Variants in SCUBE1 observed in about 807,000 individuals in gnomAD.
SCUBE1 encodes signal peptide, CUB and EGF-like domain-containing protein 1.
In SCUBE1, 59 loss-of-function variants were observed where a neutral mutation model predicts 124.4. That is an observed-to-expected ratio of 0.47 (90% CI 0.38 to 0.59). The LOEUF (loss-of-function observed/expected upper bound fraction) is 0.59. Among genes scored for constraint, SCUBE1 ranks in the 20% least tolerant of loss-of-function variants. The probability of loss-of-function intolerance (pLI) is 0.00; values close to 1 mark genes in which losing one functional copy is unlikely to be tolerated. For synonymous variants in SCUBE1, 545 were observed against 550.9 expected, an observed-to-expected ratio of 0.99 and a Z score of 0.15; for missense variants, 1,150 against 1,371.2, an observed-to-expected ratio of 0.84 and a Z score of 2.55.
intron 3 of SCUBE1, among the ~76,000 whole-genome samples, chr22:43,298,276 T>A (rs1366188750): frequency 6.6e-6 from 1 of 152,206 alleles, no homozygotes; most frequent in Non-Finnish European, 1.5e-5. Flanking sequence ...GCAGGAGGTA[T>A]GCCTGGGGTC....
chr22:43,210,644 T>C lies in SCUBE1; in HGVS notation c.2383+278A>G, dbSNP rs552266275. Among the ~76,000 whole-genome samples the C allele has an allele frequency of 2.2e-4, 34 of 152,290 alleles. No individual in the cohort carries two copies. In the South Asian group the frequency reaches 7.0e-3, roughly 32 times the overall value. On this transcript the variant is annotated intron_variant, in intron 18 of 21. Coordinates refer to ENST00000360835, the MANE Select transcript of SCUBE1 (RefSeq NM_173050.5). The surrounding 1 kb of genome is among the most constrained non-coding windows in gnomAD (Gnocchi z 4.5). The stretch of plus-strand genomic sequence containing the variant: ...CAGACCCAGAAACTAGAGCAGGGCC[T>C]GGCCCAGGGCAGAGGCTTGGGCTGT...
intron 3 of SCUBE1, among the ~76,000 whole-genome samples, chr22:43,312,647 G>A (rs73424064): frequency 0.042 from 6,346 of 152,282 alleles, 409 homozygotes; most frequent in African/African-American, 0.14. Flanking sequence ...GCCTAAACAA[G>A]GCCACAAGCT....
chr22:43,216,577 T>C (rs1921820145), intron 15 of SCUBE1, among the ~76,000 whole-genome samples: 1 of 151,942 alleles, frequency 6.6e-6, no homozygotes, highest in Non-Finnish European at 1.5e-5. Context: ...AGGTTGAACC[T>C]GGGAGGCAGA....
At chr22:43,304,080 T>C (rs2146766600) in intron 3 of SCUBE1, among the ~76,000 whole-genome samples, 1 of 152,310 alleles carries the variant, frequency 6.6e-6, no homozygotes, top group South Asian at 2.1e-4. Context: ...AAGGGATTAT[T>C]GCCTTCAGAG....
intron 4 of SCUBE1, among the ~76,000 whole-genome samples, chr22:43,266,766 T>G (rs1319289857): frequency 6.6e-6 from 1 of 152,144 alleles, no homozygotes; most frequent in Non-Finnish European, 1.5e-5. Context: ...GACTACACGG[T>G]GCCTGTTACT....
chr22:43,289,798 C>A (rs1461986240), intron 4 of SCUBE1, among the ~76,000 whole-genome samples: 3 of 152,152 alleles, frequency 2.0e-5, no homozygotes, highest in Admixed American at 1.3e-4. Flanking sequence ...AGGCTTCCAG[C>A]GTGGGAGAGG....
At chr22:43,277,989 A>G (rs1425156033) in intron 4 of SCUBE1, among the ~76,000 whole-genome samples, 1 of 152,230 alleles carries the variant, frequency 6.6e-6, no homozygotes, top group Non-Finnish European at 1.5e-5. Context: ...AGCTTAGGGG[A>G]AATTTATACC....
At chr22:43,207,400 C>A in intron 21 of SCUBE1, 134 bp downstream of exon 21, 2 of 699,732 alleles carry the variant, frequency 2.9e-6, no homozygotes, top group Non-Finnish European at 5.2e-6. Flanking sequence ...GACCCCCAAG[C>A]CTCCTGCTCC....
At chr22:43,307,439 T>A (rs1926011229) in intron 3 of SCUBE1, among the ~76,000 whole-genome samples, 1 of 152,140 alleles carries the variant, frequency 6.6e-6, no homozygotes, top group African/African-American at 2.4e-5. Context: ...GAGATTACAG[T>A]TCTGAGAAAC....
At position 43,210,031 on chromosome 22, in the gene SCUBE1, C is replaced by T; in HGVS notation, c.2581+12G>A. 1.3e-6 allele frequency: 2 copies of T among 1,591,928 alleles called. No individual in the cohort carries two copies. The highest frequency in any genetic ancestry group is 8.6e-7 in the Non-Finnish European group (1 of 1,168,510). ...CTGAGGCTGCCTCTGGTCCCCTCGGCCCCCAACATACCACTCTTCCTCATG... is the reference window on the plus strand; with the variant it reads ...CTGAGGCTGCCTCTGGTCCCCTCGGTCCCCAACATACCACTCTTCCTCATG... On this transcript the variant is annotated intron_variant, in intron 19 of 21. Transcript: ENST00000360835. The surrounding 1 kb of genome is among the most constrained non-coding windows in gnomAD (Gnocchi z 4.5).
Position 43,201,303 on chromosome 22 carries a change from C to CAAAAAAAAAAAAAAAAAAAAAAA in SCUBE1, c.*2671_*2693dup, listed in dbSNP as rs756290447. 2.3e-5 allele frequency: 1 copy of CAAAAAAAAAAAAAAAAAAAAAAA among 44,006 alleles called. No homozygotes were observed. Among genetic ancestry groups the CAAAAAAAAAAAAAAAAAAAAAAA allele is most frequent in the African/African-American group, 8.3e-5 (1 of 12,020 alleles). 2.7% of individuals were successfully genotyped at this position (44,006 alleles called of 1,614,324 possible). On this transcript the variant is annotated 3_prime_UTR_variant, in exon 22 of 22. Coordinates refer to ENST00000360835, the MANE Select transcript of SCUBE1 (RefSeq NM_173050.5). ...TGGGTGACAGAGCGAGACTCCATCT[C>CAAAAAAAAAAAAAAAAAAAAAAA]AAAAAAAAAAAAAAAAAAAAAAAAG...
At chr22:43,269,100 G>T (rs1049311675) in intron 4 of SCUBE1, among the ~76,000 whole-genome samples, 1 of 152,146 alleles carries the variant, frequency 6.6e-6, no homozygotes, top group African/African-American at 2.4e-5. Flanking sequence ...GCATCACCGT[G>T]CCCACCTTCC....
rs1156875925 is a variant in SCUBE1 at position 43,234,863 on chromosome 22, C to T, written c.845-2988G>A. Among the ~76,000 whole-genome samples the T allele has an allele frequency of 6.6e-6, 1 of 152,208 alleles. No homozygotes were observed. Among genetic ancestry groups the T allele is most frequent in the East Asian group, 1.9e-4 (1 of 5,192 alleles). On this transcript the variant is annotated intron_variant, in intron 7 of 21. Transcript: ENST00000360835. The surrounding 1 kb of genome is among the most constrained non-coding windows in gnomAD (Gnocchi z 4.4). ...TTCCAGCCCGGCCAGGCTGCTTTGC[C>T]TCCTTTCTCCAGGCTGCTTGGCTCC...
At chr22:43,216,875 C>T (rs1407697384) in intron 15 of SCUBE1, among the ~76,000 whole-genome samples, 3 of 124,676 alleles carry the variant, frequency 2.4e-5, no homozygotes, top group African/African-American at 9.2e-5. Context: ...CCACCCCCCG[C>T]CAGGTGTCAT....
chr22:43,278,746 C>A (rs144708039), intron 4 of SCUBE1, among the ~76,000 whole-genome samples: 2 of 152,342 alleles, frequency 1.3e-5, no homozygotes, highest in African/African-American at 4.8e-5. Context: ...CCTGCCCCCC[C>A]AGTGCAGCTC....
intron 4 of SCUBE1, among the ~76,000 whole-genome samples, chr22:43,281,540 T>C (rs56237327): frequency 0.11 from 4,302 of 39,954 alleles, 384 homozygotes; most frequent in East Asian, 0.39. Context: ...CCTCCCTCAG[T>C]CACCCTCCTG....
At chr22:43,205,291 T>C (rs577804741) in intron 21 of SCUBE1, among the ~76,000 whole-genome samples, 6 of 152,206 alleles carry the variant, frequency 3.9e-5, no homozygotes, top group Non-Finnish European at 7.4e-5. Context: ...GAGCAGTCTC[T>C]GGAGGGCAGA....
chr22:43,303,268 C>T (rs1348253444), intron 3 of SCUBE1, among the ~76,000 whole-genome samples: 1 of 152,272 alleles, frequency 6.6e-6, no homozygotes, highest in African/African-American at 2.4e-5. Context: ...CCTGTCCTCA[C>T]CTACCAGGTA....
intron 3 of SCUBE1, among the ~76,000 whole-genome samples, chr22:43,298,605 G>A (rs984834271): frequency 1.3e-5 from 2 of 152,166 alleles, no homozygotes; most frequent in East Asian, 3.8e-4. Context: ...CTGCCCTGCC[G>A]CCCCCTGCTG....
Sources: allele counts gnomAD v4.1 joint callset (sites outside exome capture counted in the v4.1 genomes callset), GRCh38; gene constraint gnomAD v4.1.1; non-coding constraint Gnocchi (gnomAD v3.1); transcripts MANE v1.5; gene names NCBI Gene and HGNC (gene_info 2026-07-23, HGNC 2026-07-21).